MTMR8: variants seen among roughly 807,000 people sequenced by gnomAD.
MTMR8 encodes myotubularin related protein 8.
MTMR8 carries 65 observed loss-of-function variants against 39.3 expected under a neutral mutation model. The observed-to-expected ratio is 1.65, with a 90% CI of 1.35 to 2.03. The LOEUF is 2.03. Among genes scored for constraint, MTMR8 ranks in the 30% most tolerant of loss-of-function variants. The pLI is 0.00. For missense variants in MTMR8, 777 were observed against 538.9 expected (o/e 1.44, Z -4.37); for synonymous variants, 245 against 185.2 (o/e 1.32, Z -2.62).
intron 1 of MTMR8, among the ~76,000 whole-genome samples, chrX:64,379,382 A>G (rs1924352041): frequency 8.9e-6 from 1 of 111,845 alleles, no homozygotes; most frequent in South Asian, 3.8e-4. Flanking sequence ...TCCTCAACAA[A>G]ATATTGGTGT....
intron 3 of MTMR8, among the ~76,000 whole-genome samples, chrX:64,355,478 A>G (rs1191847748): frequency 8.9e-6 from 1 of 111,786 alleles, no homozygotes; most frequent in Non-Finnish European, 1.9e-5. Context: ...TATGGCAACA[A>G]CTTCTCCAGA....
At chrX:64,293,855 T>A (rs1263264167) in intron 12 of MTMR8, among the ~76,000 whole-genome samples, 1 of 111,966 alleles carries the variant, frequency 8.9e-6, no homozygotes, top group South Asian at 3.7e-4. Flanking sequence ...GATGCTTTGA[T>A]TCTGGTTGTA....
chrX:64,348,166 T>G (rs1923390770), intron 6 of MTMR8, among the ~76,000 whole-genome samples: 2 of 111,622 alleles, frequency 1.8e-5, no homozygotes, highest in East Asian at 5.6e-4. Context: ...AGCTAAAGAT[T>G]TTTTGTTAAT....
chrX:64,270,984 C>T lies in MTMR8; in HGVS notation c.1571G>A (p.Arg524Lys), dbSNP rs1931747345. The T allele has an allele frequency of 8.3e-7, 1 of 1,210,550 alleles. No homozygotes were observed. The highest frequency in any genetic ancestry group is 1.7e-5 in the African/African-American group (1 of 57,686). The change falls in exon 13 of 14, where the codon AGA becomes AAA. Residue 524 changes from arginine (R) to lysine (K), a missense_variant. By Grantham distance (26) the Arg-to-Lys change is conservative. Transcript: ENST00000374852. ...ATGCACATCTGTCTCCAGCATTGCT[C>T]TCTGTTTCTTAATTTCCAGGAGGCT... is the stretch of plus-strand genomic sequence containing the variant. The part of the protein sequence containing the change: ...LESLLEIKKQ[R>K]AMLETDVHEL...
intron 4 of MTMR8, among the ~76,000 whole-genome samples, chrX:64,353,226 T>C (rs1247363820): frequency 9.0e-6 from 1 of 111,721 alleles, no homozygotes; most frequent in Non-Finnish European, 1.9e-5. Context: ...TGCAGCCAAC[T>C]AAAGCAAAAA....
intron 1 of MTMR8, among the ~76,000 whole-genome samples, chrX:64,371,423 A>G (rs1924128734): frequency 8.9e-6 from 1 of 112,084 alleles, no homozygotes. Context: ...TGGTTGTGGT[A>G]AAACTGGTAT....
In MTMR8 at chrX:64,269,046, G is replaced by T. The variant is rs748960864; in HGVS notation, c.1609-3C>A. Reference sequence around the variant, plus strand: ...GGCTCATCACGGACTTTTAGTTTCTGCCTCAGGAGCAAGAAAGGGTTGAGA... The same window carrying T: ...GGCTCATCACGGACTTTTAGTTTCTTCCTCAGGAGCAAGAAAGGGTTGAGA... On this transcript the variant is annotated splice_polypyrimidine_tract_variant and splice_region_variant and intron_variant, in intron 13 of 13. Coordinates refer to ENST00000374852, the MANE Select transcript of MTMR8 (RefSeq NM_017677.4). 5.8e-6 allele frequency: 7 copies of T among 1,204,295 alleles called. No individual in the cohort carries two copies. In the Admixed American group the frequency reaches 8.9e-5, roughly 15 times the overall value.
intron 1 of MTMR8, among the ~76,000 whole-genome samples, chrX:64,370,378 T>TA (rs1212855430): frequency 1.7e-3 from 167 of 100,848 alleles, no homozygotes; most frequent in Non-Finnish European, 1.5e-3. Context: ...TTTTCATTTA[T>TA]AAAAAAAAAA....
chrX:64,381,944 T>C (rs1569233261), intron 1 of MTMR8, among the ~76,000 whole-genome samples: 1 of 111,823 alleles, frequency 8.9e-6, no homozygotes, highest in Non-Finnish European at 1.9e-5. Context: ...GAGGGCTCTG[T>C]TCTGTTCCAT....
In MTMR8 at chrX:64,348,874, T is replaced by A. The variant is rs73627877; in HGVS notation, c.598-80A>T. On this transcript the variant is annotated intron_variant, in intron 5 of 13. Transcript: ENST00000374852. ...CTTTCTTGACCCTTGCCAGGTTCCA[T>A]GAGTAGAGGGAGAGGATGAGCCAAC... The A allele has an allele frequency of 2.8e-3, 3,063 of 1,077,925 alleles. 47 individuals are homozygous for A. The African/African-American group carries it at 0.049, about 17-fold the overall frequency. The allele number at this position is 1,077,925 out of a possible 1,213,427, so 88.8% of individuals were successfully genotyped here. A position where few individuals can be genotyped will look rare whatever the true frequency, so the allele number is the denominator to read the frequency against.
chrX:64,277,458 A>T (rs758902902), intron 12 of MTMR8, among the ~76,000 whole-genome samples: 40 of 111,868 alleles, frequency 3.6e-4, no homozygotes, highest in East Asian at 2.8e-3. Flanking sequence ...AAAATCTCTC[A>T]GCATTTGCTT....
chrX:64,338,728 C>A (rs1053770235), intron 8 of MTMR8, among the ~76,000 whole-genome samples: 1 of 111,605 alleles, frequency 9.0e-6, no homozygotes, highest in Admixed American at 9.5e-5. Context: ...ACAGGAAGAC[C>A]AGTTAGGAAG....
In MTMR8 at chrX:64,395,348, C is replaced by G; in HGVS notation, c.16G>C (p.Val6Leu). The G allele has an allele frequency of 8.3e-7, 1 of 1,210,552 alleles. No individual in the cohort carries two copies. Among genetic ancestry groups the G allele is most frequent in the East Asian group, 3.0e-5 (1 of 33,772 alleles). ...TTAACTCTTCTCCTTACCTTGGGTA[C>G]CGTAATATGATCCATGACTGCAGTT... is the stretch of plus-strand genomic sequence containing the variant. The part of the protein sequence containing the change: MDHIT[V>L]PKVENVKLVD... The change falls in exon 1 of 14, where the codon GTA becomes CTA. Residue 6 changes from valine to leucine, a missense_variant. By Grantham distance (32) the Val-to-Leu change is conservative (BLOSUM62 1). Transcript: ENST00000374852.
intron 1 of MTMR8, among the ~76,000 whole-genome samples, chrX:64,378,458 C>T (rs1037656361): frequency 3.6e-5 from 4 of 111,803 alleles, no homozygotes; most frequent in African/African-American, 6.5e-5. Context: ...CCGCCTCAAA[C>T]GATCCTCCTG....
At chrX:64,297,635 T>C (rs1483717105) in intron 12 of MTMR8, among the ~76,000 whole-genome samples, 18 of 94,800 alleles carry the variant, frequency 1.9e-4, no homozygotes, top group Non-Finnish European at 2.5e-4. Context: ...CTTTTGGTGT[T>C]TTGGACATGA....
chrX:64,268,635 A>T lies in MTMR8; in HGVS notation c.2017T>A (p.Ser673Thr), dbSNP rs537961922. The T allele has an allele frequency of 2.5e-6, 3 of 1,209,712 alleles. No homozygotes were observed. The highest frequency in any genetic ancestry group is 4.4e-5 in the Admixed American group (2 of 45,734). The change falls in exon 14 of 14, where the codon TCT becomes ACT. Residue 673 changes from serine to threonine, a missense_variant. Coordinates refer to ENST00000374852, the MANE Select transcript of MTMR8 (RefSeq NM_017677.4). ...TCCCCAGAGAAACCCCTGGCCTCAG[A>T]AATACCCAAGTTTCCAGAGATGCCA... Reference protein sequence around the residue: ...ATGISGNLGISEARGFSGDMG... With the variant: ...ATGISGNLGITEARGFSGDMG...
At chrX:64,308,320 A>AT (rs778962275) in intron 12 of MTMR8, among the ~76,000 whole-genome samples, 6,869 of 69,333 alleles carry the variant, frequency 0.099, 430 homozygotes, top group African/African-American at 0.11. Flanking sequence ...ACGGCTGGCT[A>AT]TTTTTTTTTT....
chrX:64,336,692 G>A (rs925660267), intron 9 of MTMR8, among the ~76,000 whole-genome samples: 8 of 110,953 alleles, frequency 7.2e-5, no homozygotes, highest in African/African-American at 2.6e-4. Context: ...AGCTACTTGG[G>A]AGGCTATGGC....
chrX:64,284,114 C>A (rs1436917510), intron 12 of MTMR8, among the ~76,000 whole-genome samples: 3 of 111,729 alleles, frequency 2.7e-5, no homozygotes, highest in Non-Finnish European at 5.6e-5. Context: ...ATAACCAATG[C>A]AGAGAAGTCC....
Sources: gnomAD v4.1 joint callset for allele counts (sites outside exome capture counted in the v4.1 genomes callset) on GRCh38, gnomAD v4.1.1 for gene constraint, MANE v1.5 for transcripts, NCBI Gene and HGNC (gene_info 2026-07-23, HGNC 2026-07-21) for gene names.